The following DEF8 variants were observed in gnomAD, a reference collection of about 807,000 sequenced individuals.
DEF8 encodes differentially expressed in FDCP 8 homolog, also known as DEF-8.
A neutral mutation model predicts 59.1 loss-of-function variants in DEF8; 38 were observed. The observed-to-expected ratio is 0.64, with a 90% CI of 0.50 to 0.84. DEF8 has a LOEUF of 0.84. Ranked by LOEUF, DEF8 falls within the 40% of genes least tolerant of loss-of-function variation. The pLI, the probability that DEF8 is intolerant of heterozygous loss-of-function variation, is 0.00. For missense variants in DEF8, 557 were observed against 615.2 expected (o/e 0.91, Z 1.00); for synonymous variants, 265 against 250.1 (o/e 1.06, Z -0.56).
At chr16:89,959,256 C>G (rs780552396) in intron 6 of DEF8, 101 bp downstream of exon 6, 77 of 1,571,158 alleles carry the variant, frequency 4.9e-5, no homozygotes, top group Non-Finnish European at 6.2e-5. Flanking sequence ...GTGGTGGCCA[C>G]TAGCCAAACA....
intron 7 of DEF8, among the ~76,000 whole-genome samples, 169 bp from the exon 8 acceptor site, chr16:89,961,568 G>C (rs1213041341): frequency 6.6e-6 from 1 of 152,214 alleles, no homozygotes; most frequent in Non-Finnish European, 1.5e-5. Flanking sequence ...ACTGATAAGA[G>C]AACAGGTCAG....
intron 4 of DEF8, chr16:89,956,679 A>AT (rs11453006): frequency 0.17 from 23,980 of 144,920 alleles, 2,952 homozygotes; most frequent in African/African-American, 0.36. Flanking sequence ...ATAATTTTTC[A>AT]TTTTTTTTTT....
At chr16:89,951,468 C>A (rs1251582499) in intron 2 of DEF8, among the ~76,000 whole-genome samples, 1 of 152,158 alleles carries the variant, frequency 6.6e-6, no homozygotes, top group Admixed American at 6.5e-5. Context: ...TGGTCTCGAA[C>A]TGCTCACCTC....
chr16:89,959,366 A>C, intron 6 of DEF8: 1 of 1,434,730 alleles, frequency 7.0e-7, no homozygotes, highest in South Asian at 1.5e-5. Context: ...AGTGAATTAC[A>C]TGGTGTGTCT....
Position 89,964,304 on chromosome 16 carries a change from C to G in DEF8, c.1137C>G (p.Asp379Glu). 1 of 1,588,734 alleles carries G rather than the reference C, an allele frequency of 6.3e-7. No homozygotes were observed. Among genetic ancestry groups the G allele is most frequent in the Non-Finnish European group, 8.6e-7 (1 of 1,167,520 alleles). ...TCTTCGCCAAGCACATCAAGCTGGA[C>G]TGCGAGGTGGGCCTCTGCCCGAGGG... ...HTLFAKHIKLDCERCQAKGFV... is the reference protein window; with the variant it reads ...HTLFAKHIKLECERCQAKGFV... The change falls in exon 11 of 13, where the codon GAC becomes GAG. Residue 379 changes from aspartate (D) to glutamate (E), a missense_variant. By Grantham distance (45) the Asp-to-Glu change is conservative (BLOSUM62 2). Transcript: ENST00000563594.
At chr16:89,955,978 T>G (rs2033104789) in intron 4 of DEF8, among the ~76,000 whole-genome samples, 1 of 149,462 alleles carries the variant, frequency 6.7e-6, no homozygotes, top group East Asian at 2.0e-4. Context: ...GAGGCTGAGG[T>G]AGGAGAATGA....
chr16:89,949,906 C>G (rs1048203966), intron 2 of DEF8, among the ~76,000 whole-genome samples: 2 of 152,202 alleles, frequency 1.3e-5, no homozygotes, highest in African/African-American at 2.4e-5. Flanking sequence ...GCGTTCTGCT[C>G]AGAGTCGGCC....
Position 89,963,717 on chromosome 16 carries a change from T to C in DEF8, c.1002+274T>C, listed in dbSNP as rs1272314102. On this transcript the variant is annotated intron_variant, in intron 10 of 12. Transcript: ENST00000563594. ...AGGCAGGTTGACCACAAAACACAGT[T>C]TTCAAGGTTCATCTAATTATGTGCT... 14 of 527,244 alleles carry C rather than the reference T, an allele frequency of 2.7e-5. No individual in the cohort carries two copies. The East Asian group carries it at 4.4e-4, about 17-fold the overall frequency. 32.7% of individuals were successfully genotyped at this position (527,244 alleles called of 1,614,324 possible). A position where few individuals can be genotyped will look rare whatever the true frequency, so the allele number is the denominator to read the frequency against.
chr16:89,955,654 G>C (rs2033039760), intron 4 of DEF8, among the ~76,000 whole-genome samples: 1 of 152,194 alleles, frequency 6.6e-6, no homozygotes, highest in Non-Finnish European at 1.5e-5. Flanking sequence ...GGAGGCAAGG[G>C]GAAGCCCCTT....
intron 10 of DEF8, 120 bp from the exon 11 acceptor site, chr16:89,964,050 G>T: frequency 3.7e-6 from 5 of 1,364,850 alleles, no homozygotes; most frequent in Non-Finnish European, 5.2e-6. Context: ...CTGGGGCCCA[G>T]ACCCTTGTGT....
In DEF8 at chr16:89,955,109, A is replaced by G. The variant is rs995356555; in HGVS notation, c.125-60A>G. 31 of 1,328,186 alleles carry G rather than the reference A, an allele frequency of 2.3e-5. No homozygotes were observed. The African/African-American group carries it at 3.9e-4, about 17-fold the overall frequency. The allele number at this position is 1,328,186 out of a possible 1,614,324, so 82.3% of individuals were successfully genotyped here. On this transcript the variant is annotated intron_variant, in intron 3 of 12. Transcript: ENST00000563594. The stretch of plus-strand genomic sequence containing the variant: ...CTCCTGGCTATCTCAGCTCCTCCCT[A>G]GGGGATGGGAGGCAGGAGGTAGCAG...
chr16:89,962,029 G>T lies in DEF8; in HGVS notation c.825G>T (p.Met275Ile). The T allele has an allele frequency of 6.2e-7, 1 of 1,614,052 alleles. No individual in the cohort carries two copies. The highest frequency in any genetic ancestry group is 8.5e-7 in the Non-Finnish European group (1 of 1,180,006). ...CCTGGCAGGTTTCTCGCTGCAGCATGCGCTACCTGGCGCTGATGGTGTCTC... is the reference window on the plus strand; with the variant it reads ...CCTGGCAGGTTTCTCGCTGCAGCATTCGCTACCTGGCGCTGATGGTGTCTC... ...FEPRKVSRCSMRYLALMVSRP... is the reference protein window; with the variant it reads ...FEPRKVSRCSIRYLALMVSRP... The change falls in exon 9 of 13, where the codon ATG becomes ATT. Residue 275 changes from methionine (M) to isoleucine (I), a missense_variant. Met to Ile is a conservative substitution (Grantham distance 10). Coordinates refer to ENST00000563594, the MANE Select transcript of DEF8 (RefSeq NM_001242818.2).
intron 2 of DEF8, chr16:89,949,940 T>A: frequency 1.2e-6 from 1 of 841,192 alleles, no homozygotes; most frequent in Non-Finnish European, 1.6e-6. Context: ...TCCCCAGGTC[T>A]GTGTGAGCAG....
Position 89,958,879 on chromosome 16 carries a change from A to G in DEF8, c.373-135A>G, listed in dbSNP as rs888618122. 3.3e-6 allele frequency: 5 copies of G among 1,492,708 alleles called. No homozygotes were observed. In the Admixed American group the frequency reaches 8.4e-5, roughly 25 times the overall value. 92.5% of individuals were successfully genotyped at this position (1,492,708 alleles called of 1,614,324 possible). On this transcript the variant is annotated intron_variant, in intron 5 of 12. Coordinates refer to ENST00000563594, the MANE Select transcript of DEF8 (RefSeq NM_001242818.2). Reference sequence around the variant, plus strand: ...GTTTACTGTGAAAGGGAGAAAAGGGACATGGCATTGTGCTGAAACTCACAA... The same window carrying G: ...GTTTACTGTGAAAGGGAGAAAAGGGGCATGGCATTGTGCTGAAACTCACAA...
intron 2 of DEF8, among the ~76,000 whole-genome samples, chr16:89,950,946 A>ACTCCAGCT (rs1433064189): frequency 2.6e-5 from 4 of 152,146 alleles, no homozygotes; most frequent in Non-Finnish European, 5.9e-5. Flanking sequence ...GCACCACTGC[A>ACTCCAGCT]CTCCAGCTCG....
At chr16:89,949,648 T>C in intron 2 of DEF8, 135 bp downstream of exon 2, 1 of 1,601,290 alleles carries the variant, frequency 6.2e-7, no homozygotes, top group African/African-American at 1.3e-5. Flanking sequence ...GGTCCGTGCA[T>C]CCCGCGTGTC....
At position 89,957,499 on chromosome 16, in the gene DEF8, C is replaced by A. The variant is rs867935630; in HGVS notation, c.223-12C>A. The A allele has an allele frequency of 1.3e-6, 2 of 1,574,132 alleles. No homozygotes were observed. Among genetic ancestry groups the A allele is most frequent in the South Asian group, 1.2e-5 (1 of 86,192 alleles). ...ATGGGCCTTTGACTGCCCCCGCCCC[C>A]AACCTGGGCAGGGTCTGTTCCTGGC... On this transcript the variant is annotated splice_polypyrimidine_tract_variant and intron_variant, in intron 4 of 12. Coordinates refer to ENST00000563594, the MANE Select transcript of DEF8 (RefSeq NM_001242818.2).
chr16:89,963,292 G>A (rs916026439), intron 9 of DEF8, 71 bp from the exon 10 acceptor site: 2 of 1,362,692 alleles, frequency 1.5e-6, no homozygotes, highest in African/African-American at 1.5e-5. Context: ...GTGGCCCCGG[G>A]TGTGCGGCCC....
intron 4 of DEF8, 54 bp from the exon 5 acceptor site, chr16:89,957,457 C>G: frequency 6.5e-7 from 1 of 1,532,492 alleles, no homozygotes; most frequent in Non-Finnish European, 8.8e-7. Flanking sequence ...TGGGCCTTAA[C>G]AGGGAGCTCC....
Sources: allele counts gnomAD v4.1 joint callset (sites outside exome capture counted in the v4.1 genomes callset), GRCh38; gene constraint gnomAD v4.1.1; transcripts MANE v1.5; gene names NCBI Gene and HGNC (gene_info 2026-07-23, HGNC 2026-07-21).